UVRAG: variants seen among roughly 807,000 people sequenced by gnomAD.
The protein encoded by UVRAG is UV radiation resistance associated.
A neutral mutation model predicts 78.0 loss-of-function variants in UVRAG; 19 were observed. The observed-to-expected ratio is 0.24, with a 90% CI of 0.17 to 0.36. The LOEUF (loss-of-function observed/expected upper bound fraction) is 0.36. Among genes scored for constraint, UVRAG ranks in the 10% least tolerant of loss-of-function variants. UVRAG has a pLI of 1.00. For missense variants in UVRAG, 740 were observed against 853.8 expected (o/e 0.87, Z 1.66); for synonymous variants, 323 against 324.6 (o/e 1.00, Z 0.05).
intron 2 of UVRAG, among the ~76,000 whole-genome samples, chr11:75,856,097 C>T (rs1011778363): frequency 6.6e-6 from 1 of 152,166 alleles, no homozygotes; most frequent in Non-Finnish European, 1.5e-5. Flanking sequence ...TCAGACCATT[C>T]TCCTGCCTCA....
chr11:75,929,701 AG>A (rs1187871383), intron 6 of UVRAG, among the ~76,000 whole-genome samples: 1 of 152,206 alleles, frequency 6.6e-6, no homozygotes, highest in Non-Finnish European at 1.5e-5. Context: ...TGTGGGGGAC[AG>A]GGACTCTAGT....
chr11:75,998,534 A>G (rs954525762), intron 8 of UVRAG, among the ~76,000 whole-genome samples: 1 of 152,208 alleles, frequency 6.6e-6, no homozygotes, highest in Non-Finnish European at 1.5e-5. Context: ...TGGATAATAT[A>G]CAAAGTCATA....
chr11:76,077,938 T>C (rs984421428), intron 13 of UVRAG, among the ~76,000 whole-genome samples: 1 of 152,240 alleles, frequency 6.6e-6, no homozygotes, highest in African/African-American at 2.4e-5. Flanking sequence ...TTTTTACTTG[T>C]TCAGTAATAA....
At chr11:75,896,408 G>A (rs1405673078) in intron 5 of UVRAG, among the ~76,000 whole-genome samples, 2 of 152,034 alleles carry the variant, frequency 1.3e-5, no homozygotes, top group Non-Finnish European at 2.9e-5. Flanking sequence ...TTTCATTTTG[G>A]TGACCACTCG....
intron 1 of UVRAG, among the ~76,000 whole-genome samples, chr11:75,820,991 G>C (rs947404413): frequency 6.6e-6 from 1 of 152,102 alleles, no homozygotes; most frequent in Non-Finnish European, 1.5e-5. Context: ...CAATATAGTG[G>C]CATTAAAAAC....
intron 5 of UVRAG, among the ~76,000 whole-genome samples, chr11:75,895,890 CA>C (rs2134961349): frequency 6.6e-6 from 1 of 151,858 alleles, no homozygotes; most frequent in Admixed American, 6.6e-5. Flanking sequence ...TTTTTCCTGG[CA>C]AAAAATGTCA....
intron 11 of UVRAG, among the ~76,000 whole-genome samples, chr11:76,016,290 A>G (rs1184904799): frequency 6.6e-6 from 1 of 152,164 alleles, no homozygotes; most frequent in Admixed American, 6.5e-5. Context: ...TAGACTTATT[A>G]TGTAACCCTG....
intron 13 of UVRAG, among the ~76,000 whole-genome samples, chr11:76,094,674 T>C (rs927473961): frequency 8.5e-5 from 13 of 152,236 alleles, no homozygotes; most frequent in Non-Finnish European, 1.8e-4. Flanking sequence ...TCTCTGATGG[T>C]AGTTTATATC....
In UVRAG at chr11:76,097,902, C is replaced by T. The variant is rs962389221; in HGVS notation, c.1306-18022C>T. Among the ~76,000 whole-genome samples the T allele has an allele frequency of 4.6e-5, 7 of 152,296 alleles. No individual in the cohort carries two copies. The East Asian group carries it at 1.4e-3, about 29-fold the overall frequency. ...ACCGCCTATAGTTTTATATCCTCTA[C>T]CTGATAACCCTGCCACTATCATTCC... On this transcript the variant is annotated intron_variant, in intron 13 of 14. Transcript: ENST00000356136.
At chr11:76,034,020 A>G (rs546361844) in intron 12 of UVRAG, among the ~76,000 whole-genome samples, 8 of 152,316 alleles carry the variant, frequency 5.3e-5, no homozygotes, top group African/African-American at 1.4e-4. Context: ...ACATATATGC[A>G]TCCTACAAAT....
At chr11:76,066,282 C>A (rs895471550) in intron 13 of UVRAG, among the ~76,000 whole-genome samples, 5 of 152,124 alleles carry the variant, frequency 3.3e-5, no homozygotes, top group African/African-American at 1.2e-4. Context: ...CTCTCAACAT[C>A]ACATCAGTTA....
intron 11 of UVRAG, among the ~76,000 whole-genome samples, chr11:76,010,962 A>C (rs973470358): frequency 3.9e-5 from 6 of 152,216 alleles, no homozygotes; most frequent in African/African-American, 9.6e-5. Flanking sequence ...GGCTTTTAAA[A>C]GTCACTCTGG....
At chr11:75,965,461 A>G (rs1339476692) in intron 7 of UVRAG, among the ~76,000 whole-genome samples, 1 of 152,074 alleles carries the variant, frequency 6.6e-6, no homozygotes, top group Non-Finnish European at 1.5e-5. Flanking sequence ...ACAGGCGTCC[A>G]CCACCACGCC....
intron 5 of UVRAG, among the ~76,000 whole-genome samples, chr11:75,893,602 A>T (rs1947270851): frequency 6.6e-6 from 1 of 150,670 alleles, no homozygotes; most frequent in Non-Finnish European, 1.5e-5. Context: ...TGTTTCTAGT[A>T]AACTTTCAGT....
chr11:76,042,834 C>T (rs1591168630), intron 12 of UVRAG, among the ~76,000 whole-genome samples: 1 of 152,122 alleles, frequency 6.6e-6, no homozygotes, highest in Admixed American at 6.5e-5. Context: ...AAAAGTCTGC[C>T]ATTTTCTACT....
intron 14 of UVRAG, among the ~76,000 whole-genome samples, chr11:76,133,495 C>T (rs1952547527): frequency 6.6e-6 from 1 of 152,030 alleles, no homozygotes; most frequent in Non-Finnish European, 1.5e-5. Context: ...ATGATGGGGG[C>T]AAGGATGGTG....
chr11:75,953,398 C>T (rs1038971800), intron 6 of UVRAG, among the ~76,000 whole-genome samples: 4 of 152,082 alleles, frequency 2.6e-5, no homozygotes, highest in Admixed American at 6.6e-5. Context: ...ATCTAAGCAC[C>T]TTCATATGAA....
intron 12 of UVRAG, among the ~76,000 whole-genome samples, chr11:76,038,907 A>AT (rs1382329909): frequency 6.6e-6 from 1 of 152,174 alleles, no homozygotes; most frequent in Non-Finnish European, 1.5e-5. Context: ...AACAACCTGA[A>AT]TGAGCTTGGA....
intron 14 of UVRAG, among the ~76,000 whole-genome samples, chr11:76,128,881 T>C (rs1265657019): frequency 2.0e-5 from 3 of 152,232 alleles, no homozygotes; most frequent in Non-Finnish European, 2.9e-5. Context: ...AAATGCCTTG[T>C]GTTTTAATTT....
Sources: gnomAD v4.1 joint callset for allele counts (sites outside exome capture counted in the v4.1 genomes callset) on GRCh38, gnomAD v4.1.1 for gene constraint, MANE v1.5 for transcripts, NCBI Gene and HGNC (gene_info 2026-07-23, HGNC 2026-07-21) for gene names.